The following FNDC1 variants were observed in gnomAD, a reference collection of about 807,000 sequenced individuals.
FNDC1 encodes fibronectin type III domain containing 1, also known as fibronectin type III domain-containing protein 1.
A neutral mutation model predicts 168.0 loss-of-function variants in FNDC1; 96 were observed. That is an observed-to-expected ratio of 0.57 (90% CI 0.48 to 0.68). The LOEUF is 0.68. Ranked by LOEUF, FNDC1 falls within the 30% of genes least tolerant of loss-of-function variation. The probability of loss-of-function intolerance (pLI) is 0.00; values close to 1 mark genes in which losing one functional copy is unlikely to be tolerated. For missense variants in FNDC1, 2,587 were observed against 2,482.1 expected (o/e 1.04, Z -0.90); for synonymous variants, 1,099 against 1,025.9 (o/e 1.07, Z -1.36).
rs11966487 is a variant in FNDC1 at position 159,239,474 on chromosome 6, T to A, written c.4181-43T>A. The stretch of plus-strand genomic sequence containing the variant: ...TTGCTTGCTTTTTATTTTCTCTGGA[T>A]TGCTTCACCTTGTTGCATAGCTATT... On this transcript the variant is annotated intron_variant, in intron 13 of 22. Transcript: ENST00000297267. 4.9e-3 allele frequency: 7,300 copies of A among 1,491,788 alleles called. 296 individuals are homozygous for A. The African/African-American group carries it at 0.089, about 18-fold the overall frequency. 92.4% of individuals were successfully genotyped at this position (1,491,788 alleles called of 1,614,324 possible).
intron 6 of FNDC1, among the ~76,000 whole-genome samples, chr6:159,222,984 ATTTTTTTTT>A (rs201310702): frequency 4.9e-4 from 57 of 116,868 alleles, no homozygotes; most frequent in African/African-American, 1.5e-3. Context: ...TGAAATACTC[ATTTTTTTTT>A]TTTTTTTTTT....
intron 4 of FNDC1, among the ~76,000 whole-genome samples, chr6:159,205,930 G>A (rs6455624): frequency 0.02 from 3,107 of 152,270 alleles, 105 homozygotes; most frequent in African/African-American, 0.071. Context: ...ACACACCAAA[G>A]GTACACAGAA....
Position 159,200,094 on chromosome 6 carries a change from C to T in FNDC1, c.391+12C>T, listed in dbSNP as rs200944792. On this transcript the variant is annotated intron_variant, in intron 3 of 22. Transcript: ENST00000297267. ...TGAAAGCCCACCTGGTAAGTCCTAT[C>T]TAGAATCAGAGGCTGTAGTGTTGTT... The T allele has an allele frequency of 3.6e-3, 5,680 of 1,574,422 alleles. 14 individuals carry two copies. Among genetic ancestry groups the T allele is most frequent in the Non-Finnish European group, 4.4e-3 (5,072 of 1,155,576 alleles).
intron 1 of FNDC1, among the ~76,000 whole-genome samples, chr6:159,182,597 CTCT>C (rs1448313641): frequency 2.6e-5 from 4 of 152,252 alleles, no homozygotes; most frequent in African/African-American, 9.6e-5. Flanking sequence ...GATACCCTCA[CTCT>C]TTCATGTGCC....
At chr6:159,246,875 C>G in intron 14 of FNDC1, 26 bp from the exon 15 acceptor site, 3 of 1,564,184 alleles carry the variant, frequency 1.9e-6, no homozygotes, top group Admixed American at 1.7e-5. Flanking sequence ...CGCTGGATGA[C>G]TGGTCCTTTT....
At chr6:159,202,434 C>G (rs1217663580) in intron 4 of FNDC1, among the ~76,000 whole-genome samples, 1 of 152,166 alleles carries the variant, frequency 6.6e-6, no homozygotes, top group Non-Finnish European at 1.5e-5. Flanking sequence ...ATATGACAAT[C>G]TTGCCAAACA....
At chr6:159,202,963 C>A (rs375577455) in intron 4 of FNDC1, among the ~76,000 whole-genome samples, 1 of 152,126 alleles carries the variant, frequency 6.6e-6, no homozygotes, top group Admixed American at 6.5e-5. Context: ...TCCAAAGTCC[C>A]GATGTTGGCA....
At position 159,189,985 on chromosome 6, in the gene FNDC1, G is replaced by T. The variant is rs567904921; in HGVS notation, c.110-7446G>T. Among the ~76,000 whole-genome samples the T allele has an allele frequency of 9.2e-5, 14 of 152,320 alleles. No homozygotes were observed. The South Asian group carries it at 2.9e-3, about 32-fold the overall frequency. ...ACAGCAGTAAATTTTCAGCCTGGAG[G>T]TCAGCTTGACTTTGGAGTTGGCTAA... On this transcript the variant is annotated intron_variant, in intron 1 of 22. Coordinates refer to ENST00000297267, the MANE Select transcript of FNDC1 (RefSeq NM_032532.3).
In FNDC1 at chr6:159,229,820, A is replaced by G. The variant is rs757832266; in HGVS notation, c.1186A>G (p.Ile396Val). The change falls in exon 10 of 23, where the codon ATT becomes GTT. Residue 396 changes from isoleucine to valine, a missense_variant. Ile to Val is a conservative substitution (Grantham distance 29). Transcript: ENST00000297267. ...PETEGKVKEY[I>V]LSYAPALKPF... Reference sequence around the variant, plus strand: ...CATCTGCCAAATCATTTCAGAATACATTCTTTCATACGCCCCGGCTCTCAA... The same window carrying G: ...CATCTGCCAAATCATTTCAGAATACGTTCTTTCATACGCCCCGGCTCTCAA... 1.9e-6 allele frequency: 3 copies of G among 1,610,754 alleles called. No individual in the cohort carries two copies. The highest frequency in any genetic ancestry group is 1.6e-4 in the Middle Eastern group (1 of 6,068).
At chr6:159,200,492 A>G (rs1782354348) in intron 3 of FNDC1, 21 bp from the exon 4 acceptor site, 1 of 1,578,426 alleles carries the variant, frequency 6.3e-7, no homozygotes, top group Non-Finnish European at 8.6e-7. Flanking sequence ...CTAACTATCA[A>G]GTTGCATTTC....
At chr6:159,209,138 T>C (rs1038012101) in intron 4 of FNDC1, among the ~76,000 whole-genome samples, 4 of 152,216 alleles carry the variant, frequency 2.6e-5, no homozygotes, top group Non-Finnish European at 1.5e-5. Flanking sequence ...TGAGCCACCA[T>C]GCCCAGGCTA....
chr6:159,269,003 C>CATCCATCT (rs1554229793), intron 22 of FNDC1, among the ~76,000 whole-genome samples: 2 of 148,588 alleles, frequency 1.3e-5, no homozygotes, highest in African/African-American at 2.5e-5. Flanking sequence ...TCCATCCATC[C>CATCCATCT]ATCCATCCAT....
At chr6:159,203,451 G>A (rs1184573059) in intron 4 of FNDC1, among the ~76,000 whole-genome samples, 1 of 152,102 alleles carries the variant, frequency 6.6e-6, no homozygotes, top group Non-Finnish European at 1.5e-5. Context: ...CAAGACTTAA[G>A]CAATTCCCAG....
At chr6:159,209,247 G>T (rs112225035) in intron 4 of FNDC1, among the ~76,000 whole-genome samples, 2 of 152,204 alleles carry the variant, frequency 1.3e-5, no homozygotes, top group South Asian at 2.1e-4. Flanking sequence ...GAATTTCCAC[G>T]CTCCAGGCTT....
chr6:159,260,973 A>G (rs571707315), intron 18 of FNDC1, among the ~76,000 whole-genome samples: 2 of 152,340 alleles, frequency 1.3e-5, no homozygotes, highest in Admixed American at 6.5e-5. Context: ...GCCATTAGCC[A>G]TGTGTCCCTG....
At chr6:159,217,466 C>T (rs985216425) in intron 5 of FNDC1, among the ~76,000 whole-genome samples, 3 of 152,190 alleles carry the variant, frequency 2.0e-5, no homozygotes, top group African/African-American at 4.8e-5. Context: ...TTGTGTGATG[C>T]GGGCCAAATT....
At chr6:159,190,530 G>A (rs1020768073) in intron 1 of FNDC1, among the ~76,000 whole-genome samples, 8 of 152,224 alleles carry the variant, frequency 5.3e-5, no homozygotes, top group East Asian at 1.9e-4. Flanking sequence ...GGGAAGCTGC[G>A]TGCTGAGTAG....
Position 159,188,370 on chromosome 6 carries a change from T to TAA in FNDC1, c.110-9061_110-9060insAA, listed in dbSNP as rs1491342480. Among the ~76,000 whole-genome samples the TAA allele has an allele frequency of 9.5e-3, 383 of 40,516 alleles. No individual in the cohort carries two copies. The African/African-American group carries it at 0.14, about 14-fold the overall frequency. 26.6% of individuals were successfully genotyped at this position (40,516 alleles called of 152,430 possible). A position where few individuals can be genotyped will look rare whatever the true frequency, so the allele number is the denominator to read the frequency against. ...GGTGGTATCTGCCTCAATTTCTTTC[T>TAA]TTTTTTTTTTTTTTTTTTTTTTGAG... On this transcript the variant is annotated intron_variant, in intron 1 of 22. Transcript: ENST00000297267.
chr6:159,220,558 C>T (rs1354253394), intron 5 of FNDC1, among the ~76,000 whole-genome samples: 1 of 152,156 alleles, frequency 6.6e-6, no homozygotes, highest in African/African-American at 2.4e-5. Context: ...CTGGGCAAGT[C>T]ACTCAATTGT....
Sources: allele counts gnomAD v4.1 joint callset (sites outside exome capture counted in the v4.1 genomes callset), GRCh38; gene constraint gnomAD v4.1.1; transcripts MANE v1.5; gene names NCBI Gene and HGNC (gene_info 2026-07-23, HGNC 2026-07-21).